KLHL14: variants seen among roughly 807,000 people sequenced by gnomAD.
KLHL14 encodes the protein kelch like family member 14, also known as kelch-like protein 14.
In KLHL14, 22 loss-of-function variants were observed where a neutral mutation model predicts 64.3. The observed-to-expected ratio is 0.34, with a 90% confidence interval of 0.24 to 0.49. The LOEUF (loss-of-function observed/expected upper bound fraction) is 0.49, where lower values mean the gene tolerates loss of function less well. Among genes scored for constraint, KLHL14 ranks in the 20% least tolerant of loss-of-function variants. The pLI is 0.99. For missense variants in KLHL14, 661 were observed against 789.0 expected, an observed-to-expected ratio of 0.84 and a Z score of 1.94; for synonymous variants, 322 against 333.4, an observed-to-expected ratio of 0.97 and a Z score of 0.37.
At chr18:32,706,308 G>T (rs2049990063) in intron 3 of KLHL14, among the ~76,000 whole-genome samples, 1 of 152,122 alleles carries the variant, frequency 6.6e-6, no homozygotes, top group Non-Finnish European at 1.5e-5. Context: ...AAGGTGGATG[G>T]TCAGGGCCAT....
chr18:32,680,503 G>A lies in KLHL14; in HGVS notation c.1335C>T (p.Asn445=), dbSNP rs753982255. 2 of 1,613,902 alleles carry A rather than the reference G, an allele frequency of 1.2e-6. No individual in the cohort carries two copies. Among genetic ancestry groups the A allele is most frequent in the East Asian group, 4.5e-5 (2 of 44,864 alleles). The change falls in exon 6 of 9, where the codon AAC becomes AAT. Residue 445 remains asparagine (N), a synonymous_variant. Coordinates refer to ENST00000359358, the MANE Select transcript of KLHL14 (RefSeq NM_020805.3). The surrounding 1 kb of genome is among the most constrained non-coding windows in gnomAD (Gnocchi z 4.8). ...CATAGCGCCATTCATTCGTTTCTAG[G>A]TTATAGCACTCCACGCTGGACAAGT... The part of the protein sequence containing the change: ...TGYLSSVECY[N]LETNEWRYVS...
chr18:32,676,673 G>A (rs2049812863), intron 8 of KLHL14, among the ~76,000 whole-genome samples: 1 of 152,108 alleles, frequency 6.6e-6, no homozygotes, highest in Admixed American at 6.6e-5. Context: ...GATGGATGTT[G>A]AAGCTGAATG....
At chr18:32,719,862 G>A (rs141507159) in intron 3 of KLHL14, among the ~76,000 whole-genome samples, 12 of 152,336 alleles carry the variant, frequency 7.9e-5, no homozygotes, top group South Asian at 6.2e-4. Flanking sequence ...TCAGAAGGAC[G>A]TGCGTAGCCA....
Position 32,770,469 on chromosome 18 carries a change from G to A in KLHL14, c.123C>T (p.Gly41=), listed in dbSNP as rs1307154137. 1.2e-6 allele frequency: 2 copies of A among 1,612,586 alleles called. No individual in the cohort carries two copies. The highest frequency in any genetic ancestry group is 1.7e-5 in the Admixed American group (1 of 59,986). The change falls in exon 2 of 9, where the codon GGC becomes GGT. Residue 41 remains glycine, a synonymous_variant. Transcript: ENST00000359358. This position sits in a 1 kb window ranked among gnomAD's most constrained non-coding sequence, Gnocchi z 6.7. Reference sequence around the variant, plus strand: ...CGGCCTTGTGGCAATGGAACTGCTGGCCCTGGGCCGTCAGGGTCACGTCGC... The same window carrying A: ...CGGCCTTGTGGCAATGGAACTGCTGACCCTGGGCCGTCAGGGTCACGTCGC... ...LFCDVTLTAQ[G]QQFHCHKAVL...
intron 5 of KLHL14, among the ~76,000 whole-genome samples, chr18:32,684,588 C>A (rs1162928728): frequency 1.3e-5 from 2 of 152,014 alleles, no homozygotes; most frequent in African/African-American, 4.8e-5. Flanking sequence ...GGTAGGTTAC[C>A]CCAGAGGTGG....
chr18:32,679,536 T>G (rs965332427), intron 7 of KLHL14, among the ~76,000 whole-genome samples: 3 of 152,140 alleles, frequency 2.0e-5, no homozygotes, highest in African/African-American at 7.2e-5. Context: ...ATGCACATAA[T>G]GTTATATATG....
At chr18:32,748,091 T>A (rs1332578832) in intron 2 of KLHL14, among the ~76,000 whole-genome samples, 2 of 152,252 alleles carry the variant, frequency 1.3e-5, no homozygotes, top group Non-Finnish European at 2.9e-5. Flanking sequence ...ATGGAAGCCA[T>A]CAGAATCTTT....
chr18:32,739,469 T>C (rs1249179005), intron 3 of KLHL14, among the ~76,000 whole-genome samples: 1 of 152,108 alleles, frequency 6.6e-6, no homozygotes, highest in Non-Finnish European at 1.5e-5. Flanking sequence ...ATGCCTTTAC[T>C]TGGGGCCATA....
chr18:32,740,127 C>T (rs1193028157), intron 3 of KLHL14, among the ~76,000 whole-genome samples: 1 of 152,118 alleles, frequency 6.6e-6, no homozygotes, highest in African/African-American at 2.4e-5. Flanking sequence ...ATGTTTTCTT[C>T]CTACATCCCT....
chr18:32,688,237 AC>A (rs1334631118), intron 4 of KLHL14, among the ~76,000 whole-genome samples: 1 of 152,194 alleles, frequency 6.6e-6, no homozygotes, highest in Non-Finnish European at 1.5e-5. Flanking sequence ...AGAGATGGGT[AC>A]CAAATTCACT....
intron 2 of KLHL14, among the ~76,000 whole-genome samples, chr18:32,764,425 C>T (rs2050330082): frequency 6.6e-6 from 1 of 151,964 alleles, no homozygotes; most frequent in African/African-American, 2.4e-5. Context: ...GAGTTCTTTC[C>T]AAATGGAAGG....
chr18:32,719,271 G>A (rs1201264077), intron 3 of KLHL14, among the ~76,000 whole-genome samples: 3 of 152,224 alleles, frequency 2.0e-5, no homozygotes, highest in Admixed American at 6.5e-5. Flanking sequence ...TTCAACTAAT[G>A]TTAAGCTAAT....
At chr18:32,731,355 G>C (rs191546834) in intron 3 of KLHL14, among the ~76,000 whole-genome samples, 2 of 152,014 alleles carry the variant, frequency 1.3e-5, no homozygotes, top group East Asian at 3.9e-4. Context: ...AGTCATTTAG[G>C]GCTACTGTCC....
rs150980438 is a variant in KLHL14 at position 32,770,547 on chromosome 18, G to A, written c.45C>T (p.His15=). 57 of 1,601,174 alleles carry A rather than the reference G, an allele frequency of 3.6e-5. No homozygotes were observed. The highest frequency in any genetic ancestry group is 4.8e-5 in the Non-Finnish European group (56 of 1,177,244). The change falls in exon 2 of 9, where the codon CAC becomes CAT. Residue 15 remains histidine, a synonymous_variant. Coordinates refer to ENST00000359358, the MANE Select transcript of KLHL14 (RefSeq NM_020805.3). The surrounding 1 kb of genome is among the most constrained non-coding windows in gnomAD (Gnocchi z 6.7). ...GDRTSTFDPS[H]SDNLLHGLNL... The stretch of plus-strand genomic sequence containing the variant: ...TGAGGCCGTGCAGCAGGTTGTCGCT[G>A]TGGCTGGGGTCGAAGGTGGAGGTCC...
rs2049796131 is a variant in KLHL14 at position 32,673,561 on chromosome 18, T to C, written c.*1096A>G. 1 of 152,052 alleles carries C rather than the reference T, an allele frequency of 6.6e-6. No individual in the cohort carries two copies. Among genetic ancestry groups the C allele is most frequent in the South Asian group, 2.1e-4 (1 of 4,816 alleles). The allele number at this position is 152,052 out of a possible 1,614,324, so 9.4% of individuals were successfully genotyped here. A position where few individuals can be genotyped will look rare whatever the true frequency, so the allele number is the denominator to read the frequency against. ...GTGATAACAAACAAAATATGATGAATTGGGGGAATAACGATCGTAAGTCAA... is the reference window on the plus strand; with the variant it reads ...GTGATAACAAACAAAATATGATGAACTGGGGGAATAACGATCGTAAGTCAA... On this transcript the variant is annotated 3_prime_UTR_variant, in exon 9 of 9. Transcript: ENST00000359358.
chr18:32,764,606 TAA>T (rs2050330997), intron 2 of KLHL14, among the ~76,000 whole-genome samples: 1 of 152,142 alleles, frequency 6.6e-6, no homozygotes, highest in African/African-American at 2.4e-5. Context: ...GCCTGAAAAC[TAA>T]GAGTGTCTTT....
chr18:32,703,146 G>A (rs972266363), intron 3 of KLHL14, among the ~76,000 whole-genome samples: 1 of 152,158 alleles, frequency 6.6e-6, no homozygotes, highest in African/African-American at 2.4e-5. Context: ...GCCCCTGAAG[G>A]CCAGATGCTA....
intron 7 of KLHL14, among the ~76,000 whole-genome samples, chr18:32,678,795 C>G (rs2049823704): frequency 2.6e-5 from 4 of 152,232 alleles, no homozygotes; most frequent in Admixed American, 2.0e-4. Context: ...ATATCCTCTC[C>G]TCACCATGAT....
chr18:32,709,620 T>A (rs1162436226), intron 3 of KLHL14, among the ~76,000 whole-genome samples: 12 of 152,266 alleles, frequency 7.9e-5, no homozygotes, highest in East Asian at 1.9e-4. Context: ...GGGTAATTTT[T>A]AAATATTTTG....
Sources: allele counts gnomAD v4.1 joint callset (sites outside exome capture counted in the v4.1 genomes callset), GRCh38; gene constraint gnomAD v4.1.1; non-coding constraint Gnocchi (gnomAD v3.1); transcripts MANE v1.5; gene names NCBI Gene and HGNC (gene_info 2026-07-23, HGNC 2026-07-21).